The following SIAH2 variants were observed in gnomAD, a reference collection of about 807,000 sequenced individuals.
SIAH2 encodes siah E3 ubiquitin protein ligase 2, also known as E3 ubiquitin-protein ligase SIAH2.
A neutral mutation model predicts 20.4 loss-of-function variants in SIAH2; 4 were observed. The ratio of observed to expected loss-of-function variants is 0.20; its 90% CI spans 0.10 to 0.45. SIAH2 has a LOEUF of 0.45. Ranked by LOEUF, SIAH2 falls within the 20% of genes least tolerant of loss-of-function variation. The pLI is 0.99. For missense variants in SIAH2, 259 were observed against 440.3 expected, an observed-to-expected ratio of 0.59 and a Z score of 3.69; for synonymous variants, 171 against 192.5, an observed-to-expected ratio of 0.89 and a Z score of 0.93.
intron 1 of SIAH2, among the ~76,000 whole-genome samples, chr3:150,757,995 C>T (rs1394694844): frequency 6.6e-6 from 1 of 152,136 alleles, no homozygotes; most frequent in Non-Finnish European, 1.5e-5. Context: ...TCCAGGTCTC[C>T]CTGACCCTGA....
rs971824946 is a variant in SIAH2 at position 150,742,942 on chromosome 3, C to G, written c.418-244G>C. 3.3e-5 allele frequency among the ~76,000 whole-genome samples: 5 copies of G among 152,194 alleles called. No homozygotes were observed. Among genetic ancestry groups the G allele is most frequent in the Admixed American group, 1.3e-4 (2 of 15,282 alleles). ...TACGCTGTTTTCCATGCCCCCTGTT[C>G]CGCTGTCAAAGGGATCAGAACTAAA... On this transcript the variant is annotated intron_variant, in intron 1 of 1. Transcript: ENST00000312960. The surrounding 1 kb of genome is among the most constrained non-coding windows in gnomAD (Gnocchi z 4.8).
At chr3:150,750,784 T>C (rs1714340480) in intron 1 of SIAH2, among the ~76,000 whole-genome samples, 1 of 152,206 alleles carries the variant, frequency 6.6e-6, no homozygotes, top group South Asian at 2.1e-4. Context: ...GTTGTCCTTT[T>C]GATGGCTGTA....
At chr3:150,752,093 A>G (rs1456915885) in intron 1 of SIAH2, among the ~76,000 whole-genome samples, 1 of 152,226 alleles carries the variant, frequency 6.6e-6, no homozygotes, top group East Asian at 1.9e-4. Flanking sequence ...TGCATGTTCA[A>G]GCAAACAAAA....
chr3:150,750,643 C>T (rs1714335553), intron 1 of SIAH2, among the ~76,000 whole-genome samples: 1 of 151,896 alleles, frequency 6.6e-6, no homozygotes, highest in African/African-American at 2.4e-5. Context: ...GTCATGAATT[C>T]CCGGCGTCAA....
At chr3:150,754,672 TAGG>T (rs1342445233) in intron 1 of SIAH2, among the ~76,000 whole-genome samples, 2 of 152,236 alleles carry the variant, frequency 1.3e-5, no homozygotes, top group Non-Finnish European at 2.9e-5. Context: ...AGGGAGATTA[TAGG>T]AGATTTTAAT....
intron 1 of SIAH2, among the ~76,000 whole-genome samples, chr3:150,755,801 C>A (rs949824844): frequency 1.3e-5 from 2 of 152,150 alleles, no homozygotes; most frequent in Admixed American, 1.3e-4. Flanking sequence ...CAGGTGTGAG[C>A]CACTGTGCCT....
chr3:150,745,378 G>A lies in SIAH2; in HGVS notation c.418-2680C>T, dbSNP rs1714188383. ...CTTTCATCAGGGGCTCTCATCCAGG[G>A]ATCCGAGGGAGGACTTTAGTAGTTT... On this transcript the variant is annotated intron_variant, in intron 1 of 1. Transcript: ENST00000312960. Among the ~76,000 whole-genome samples the A allele has an allele frequency of 2.6e-5, 4 of 152,128 alleles. No homozygotes were observed. The South Asian group carries it at 8.3e-4, about 32-fold the overall frequency.
At position 150,741,942 on chromosome 3, in the gene SIAH2, C is replaced by A; in HGVS notation, c.*199G>T. On this transcript the variant is annotated 3_prime_UTR_variant, in exon 2 of 2. Coordinates refer to ENST00000312960, the MANE Select transcript of SIAH2 (RefSeq NM_005067.7). ...TTAGATCACAGAACAGCATCCAAAT[C>A]ACCAACAGGCCAACCCCATTCATCC... 1.7e-6 allele frequency: 1 copy of A among 590,614 alleles called. No homozygotes were observed. Among genetic ancestry groups the A allele is most frequent in the South Asian group, 2.2e-5 (1 of 45,468 alleles). The allele number at this position is 590,614 out of a possible 1,614,324, so 36.6% of individuals were successfully genotyped here. A position where few individuals can be genotyped will look rare whatever the true frequency, so the allele number is the denominator to read the frequency against.
chr3:150,742,393 G>C lies in SIAH2; in HGVS notation c.723C>G (p.Gly241=). ...LVLEKQEKYE[G]HQQFFAIVLL... ...GGACGATGGCAAAAAACTGCTGGTG[G>C]CCTTCGTACTTCTCTTGTTTCTCCA... The change falls in exon 2 of 2, where the codon GGC becomes GGG. Residue 241 remains glycine, a synonymous_variant. Coordinates refer to ENST00000312960, the MANE Select transcript of SIAH2 (RefSeq NM_005067.7). The surrounding 1 kb of genome is among the most constrained non-coding windows in gnomAD (Gnocchi z 4.8). 6.2e-7 allele frequency: 1 copy of C among 1,614,176 alleles called. No individual in the cohort carries two copies. Among genetic ancestry groups the C allele is most frequent in the South Asian group, 1.1e-5 (1 of 91,080 alleles).
At chr3:150,759,628 C>T (rs1286846601) in intron 1 of SIAH2, among the ~76,000 whole-genome samples, 2 of 151,902 alleles carry the variant, frequency 1.3e-5, no homozygotes, top group Non-Finnish European at 2.9e-5. Context: ...GGTCCTCTTA[C>T]TAGCTGTGTG....
chr3:150,746,635 G>C (rs1238748583), intron 1 of SIAH2, among the ~76,000 whole-genome samples: 1 of 152,180 alleles, frequency 6.6e-6, no homozygotes, highest in Non-Finnish European at 1.5e-5. Flanking sequence ...AACCAGAAAT[G>C]TCTCCAGCTC....
In SIAH2 at chr3:150,758,672, GC is replaced by G. The variant is rs1240234144; in HGVS notation, c.417+3760del. Among the ~76,000 whole-genome samples, 8 of 149,492 alleles carry G rather than the reference GC, an allele frequency of 5.4e-5. No individual in the cohort carries two copies. The East Asian group carries it at 1.4e-3, about 26-fold the overall frequency. The stretch of plus-strand genomic sequence containing the variant: ...TGCAACCTCCACCTCCTGGGTTCAA[GC>G]GATTCTCCTGCCGCAGCCTCCTGAG... On this transcript the variant is annotated intron_variant, in intron 1 of 1. Coordinates refer to ENST00000312960, the MANE Select transcript of SIAH2 (RefSeq NM_005067.7).
At chr3:150,751,027 T>G (rs1019736028) in intron 1 of SIAH2, among the ~76,000 whole-genome samples, 1 of 152,228 alleles carries the variant, frequency 6.6e-6, no homozygotes, top group African/African-American at 2.4e-5. Flanking sequence ...TTCTTGTGAC[T>G]TATTTATAAT....
In SIAH2 at chr3:150,742,305, G is replaced by C. The variant is rs777471393; in HGVS notation, c.811C>G (p.Arg271Gly). 2.5e-6 allele frequency: 4 copies of C among 1,614,110 alleles called. No homozygotes were observed. The highest frequency in any genetic ancestry group is 3.4e-6 in the Non-Finnish European group (4 of 1,180,018). ...GTGGCCTCCCAGGTCAATCTCCGCC[G>C]GTTCCCATTCAACTCCAGTCTGTAG... ...FAYRLELNGN[R>G]RRLTWEATPR... is the part of the protein sequence containing the mutation. Residue 271 changes from arginine (R) to glycine (G), a missense_variant, in exon 2 of 2, where the codon CGG (arginine) becomes GGG (glycine). By Grantham distance (125) the Arg-to-Gly change is moderately radical. Around this residue, in one of 2 missense-constraint regions of SIAH2, gnomAD observed 160 missense variants for 327.6 expected, o/e 0.49. Coordinates refer to ENST00000312960, the MANE Select transcript of SIAH2 (RefSeq NM_005067.7). The surrounding 1 kb of genome is among the most constrained non-coding windows in gnomAD (Gnocchi z 4.8).
At chr3:150,750,475 T>G (rs1188357141) in intron 1 of SIAH2, among the ~76,000 whole-genome samples, 1 of 152,254 alleles carries the variant, frequency 6.6e-6, no homozygotes, top group Non-Finnish European at 1.5e-5. Context: ...TGAGATCATG[T>G]AAGAAGAAAT....
rs1164880643 is a variant in SIAH2 at position 150,762,370 on chromosome 3, GC to G, written c.417+62del. ...CCCGCCTCTCCGGGCCTGCGAGTGG[GC>G]TGGCGGATACCGGAGTCCCTGAGGT... On this transcript the variant is annotated intron_variant, in intron 1 of 1. Transcript: ENST00000312960. The surrounding 1 kb of genome is among the most constrained non-coding windows in gnomAD (Gnocchi z 6.6). 1 of 1,547,702 alleles carries G rather than the reference GC, an allele frequency of 6.5e-7. No individual in the cohort carries two copies. The highest frequency in any genetic ancestry group is 1.4e-5 in the African/African-American group (1 of 72,524).
At chr3:150,756,009 C>G (rs1359687530) in intron 1 of SIAH2, among the ~76,000 whole-genome samples, 2 of 152,160 alleles carry the variant, frequency 1.3e-5, no homozygotes, top group East Asian at 3.8e-4. Context: ...ACAGGAAAAC[C>G]CTTTTATTCC....
intron 1 of SIAH2, among the ~76,000 whole-genome samples, chr3:150,755,196 G>A (rs1203040227): frequency 6.6e-6 from 1 of 152,010 alleles, no homozygotes; most frequent in South Asian, 2.1e-4. Context: ...CCTCAAAACT[G>A]CCAGAGTTAG....
intron 1 of SIAH2, among the ~76,000 whole-genome samples, chr3:150,758,015 T>C (rs1714520932): frequency 6.6e-6 from 1 of 152,088 alleles, no homozygotes; most frequent in South Asian, 2.1e-4. Flanking sequence ...AGGCCATGAG[T>C]GCATCAAATA....
Sources: allele counts gnomAD v4.1 joint callset (sites outside exome capture counted in the v4.1 genomes callset), GRCh38; gene constraint gnomAD v4.1.1; regional missense constraint gnomAD v4.1.1; non-coding constraint Gnocchi (gnomAD v3.1); transcripts MANE v1.5; gene names NCBI Gene and HGNC (gene_info 2026-07-23, HGNC 2026-07-21).